Variants in PATJ observed in about 807,000 individuals in gnomAD.
PATJ encodes the protein inaD-like protein.
PATJ carries 190 observed loss-of-function variants against 224.9 expected under a neutral mutation model. The observed-to-expected ratio is 0.84, with a 90% CI of 0.75 to 0.95. The LOEUF is 0.95. Among genes scored for constraint, PATJ ranks in the 40% least tolerant of loss-of-function variants. The probability of loss-of-function intolerance (pLI) is 0.00; values close to 1 mark genes in which losing one functional copy is unlikely to be tolerated. For missense variants in PATJ, 2,121 were observed against 2,270.3 expected (o/e 0.93, Z 1.34); for synonymous variants, 769 against 820.3 (o/e 0.94, Z 1.07).
intron 30 of PATJ, among the ~76,000 whole-genome samples, chr1:62,046,952 T>C (rs1652676532): frequency 6.6e-6 from 1 of 152,216 alleles, no homozygotes; most frequent in Non-Finnish European, 1.5e-5. Flanking sequence ...TTTTACAGGT[T>C]GACGCATCCC....
At chr1:62,158,287 T>G (rs769029719) in intron 43 of PATJ, among the ~76,000 whole-genome samples, 3 of 149,522 alleles carry the variant, frequency 2.0e-5, no homozygotes, top group African/African-American at 7.3e-5. Context: ...TATCAGTAAG[T>G]GCTCATCAAC....
intron 27 of PATJ, among the ~76,000 whole-genome samples, chr1:61,989,910 T>C (rs1229269951): frequency 6.6e-6 from 1 of 152,140 alleles, no homozygotes; most frequent in African/African-American, 2.4e-5. Flanking sequence ...CAGTGCCACA[T>C]ACTATAGTTC....
chr1:61,835,484 A>G (rs1420191910), intron 17 of PATJ, among the ~76,000 whole-genome samples: 9 of 152,150 alleles, frequency 5.9e-5, no homozygotes, highest in African/African-American at 1.4e-4. Flanking sequence ...GCTCACTGCA[A>G]TCTCTGCCTC....
intron 19 of PATJ, among the ~76,000 whole-genome samples, chr1:61,862,054 G>T (rs1423691075): frequency 6.6e-6 from 1 of 152,042 alleles, no homozygotes; most frequent in Non-Finnish European, 1.5e-5. Context: ...GTAGAGATGA[G>T]GTTTTATCAC....
At chr1:62,059,134 G>A (rs957183493) in intron 31 of PATJ, among the ~76,000 whole-genome samples, 3 of 152,200 alleles carry the variant, frequency 2.0e-5, no homozygotes, top group Non-Finnish European at 2.9e-5. Context: ...CCTAATCCTA[G>A]AGACAGAACT....
chr1:61,954,935 A>G (rs1366777597), intron 27 of PATJ, among the ~76,000 whole-genome samples: 2 of 151,830 alleles, frequency 1.3e-5, no homozygotes, highest in Non-Finnish European at 2.9e-5. Flanking sequence ...TTGTATTTTT[A>G]GTAGAGACAG....
chr1:61,939,119 T>G (rs1677353170), intron 27 of PATJ, among the ~76,000 whole-genome samples: 2 of 44,490 alleles, frequency 4.5e-5, no homozygotes, highest in South Asian at 1.1e-3. Flanking sequence ...CGAGACTCCA[T>G]CTCAAAAAAA....
chr1:61,857,839 AC>A (rs1663934337), intron 18 of PATJ, among the ~76,000 whole-genome samples: 1 of 152,232 alleles, frequency 6.6e-6, no homozygotes, highest in South Asian at 2.1e-4. Context: ...CAATAGGTAT[AC>A]CACTTCTCTA....
At chr1:61,891,557 G>A (rs147618072) in intron 22 of PATJ, among the ~76,000 whole-genome samples, 2 of 152,224 alleles carry the variant, frequency 1.3e-5, no homozygotes, top group South Asian at 2.1e-4. Flanking sequence ...CTGTTGCAGC[G>A]GTGGCCCACA....
At chr1:61,813,382 C>T (rs6678153) in intron 14 of PATJ, among the ~76,000 whole-genome samples, 3,917 of 23,858 alleles carry the variant, frequency 0.16, 68 homozygotes, top group Middle Eastern at 0.3. Context: ...TATATATACA[C>T]ACACACACAC....
chr1:62,145,061 C>T (rs931547760), intron 41 of PATJ, among the ~76,000 whole-genome samples: 2 of 152,012 alleles, frequency 1.3e-5, no homozygotes, highest in African/African-American at 4.8e-5. Context: ...GTGATCCGCC[C>T]ACCTCGGCTT....
At chr1:62,077,915 G>T (rs565313150) in intron 31 of PATJ, among the ~76,000 whole-genome samples, 1 of 152,172 alleles carries the variant, frequency 6.6e-6, no homozygotes, top group East Asian at 1.9e-4. Context: ...ATATTTAACT[G>T]TCGGGGTTGT....
chr1:61,807,219 C>T (rs1438438638), intron 13 of PATJ, among the ~76,000 whole-genome samples: 2 of 152,110 alleles, frequency 1.3e-5, no homozygotes, highest in African/African-American at 2.4e-5. Context: ...TCTCTGTTGC[C>T]CAGGCTGGAA....
intron 33 of PATJ, among the ~76,000 whole-genome samples, chr1:62,090,126 T>A (rs1219467496): frequency 1.3e-5 from 2 of 152,186 alleles, no homozygotes; most frequent in African/African-American, 4.8e-5. Context: ...AGATCTCACT[T>A]AGCATCCCAT....
At chr1:61,751,970 C>A (rs1049630055) in intron 1 of PATJ, among the ~76,000 whole-genome samples, 2 of 151,880 alleles carry the variant, frequency 1.3e-5, no homozygotes, top group South Asian at 4.2e-4. Context: ...AAAATCTTAT[C>A]TCTACTAAAA....
intron 39 of PATJ, among the ~76,000 whole-genome samples, chr1:62,125,790 G>T (rs1157259949): frequency 1.3e-5 from 2 of 151,262 alleles, no homozygotes; most frequent in Non-Finnish European, 2.9e-5. Flanking sequence ...TTTTTCCTGA[G>T]ACAGAGTCTC....
chr1:61,793,744 G>T (rs1650395658), intron 9 of PATJ, among the ~76,000 whole-genome samples: 1 of 150,342 alleles, frequency 6.7e-6, no homozygotes, highest in Non-Finnish European at 1.5e-5. Context: ...AAAAAAGCCT[G>T]GTGTGTCCAG....
At chr1:62,107,183 G>A (rs1286069947) in intron 33 of PATJ, among the ~76,000 whole-genome samples, 7 of 151,928 alleles carry the variant, frequency 4.6e-5, no homozygotes, top group African/African-American at 1.5e-4. Flanking sequence ...GCGGGCACCT[G>A]TAGTCCCAGC....
chr1:61,895,972 G>C (rs1007988993), intron 22 of PATJ, among the ~76,000 whole-genome samples: 1 of 152,212 alleles, frequency 6.6e-6, no homozygotes, highest in African/African-American at 2.4e-5. Flanking sequence ...TGTGAGACAT[G>C]GAGTCAAGGG....
Sources: allele counts gnomAD v4.1 joint callset (sites outside exome capture counted in the v4.1 genomes callset), GRCh38; gene constraint gnomAD v4.1.1; transcripts MANE v1.5; gene names NCBI Gene and HGNC (gene_info 2026-07-23, HGNC 2026-07-21).